The following ISG20 variants were observed in gnomAD, a reference collection of about 807,000 sequenced individuals.
The protein encoded by ISG20 is interferon stimulated exonuclease gene 20, also known as interferon-stimulated gene 20 kDa protein.
In ISG20, 8 loss-of-function variants were observed where a neutral mutation model predicts 11.1. The ratio of observed to expected loss-of-function variants is 0.72; its 90% CI spans 0.42 to 1.30. The LOEUF is 1.30. Ranked by LOEUF, ISG20 falls within the 50% of genes most tolerant of loss-of-function variation. The pLI, the probability that ISG20 is intolerant of heterozygous loss-of-function variation, is 0.01. For synonymous variants in ISG20, 110 were observed against 101.7 expected (o/e 1.08, Z -0.49); for missense variants, 243 against 250.2 (o/e 0.97, Z 0.19).
In ISG20 at chr15:88,652,332, T is replaced by TCCTCCTCCCC. The variant is rs1183232710; in HGVS notation, c.429+34_429+43dup. On this transcript the variant is annotated intron_variant, in intron 3 of 3. Transcript: ENST00000306072. Reference sequence around the variant, plus strand: ...CCAGGTGAGAACCTCCTCGTCCTTCTCCTCCTCCCCCCTCCTCCCCCTCCT... The same window carrying TCCTCCTCCCC: ...CCAGGTGAGAACCTCCTCGTCCTTCTCCTCCTCCCCCCTCCTCCCCCCTCCTCCCCCTCCT... 5 of 1,566,932 alleles carry TCCTCCTCCCC rather than the reference T, an allele frequency of 3.2e-6. No individual in the cohort carries two copies. The African/African-American group carries it at 5.8e-5, about 18-fold the overall frequency.
chr15:88,641,415 C>G (rs1048959517), intron 2 of ISG20, among the ~76,000 whole-genome samples: 1 of 152,158 alleles, frequency 6.6e-6, no homozygotes, highest in Non-Finnish European at 1.5e-5. Context: ...AATGTCCTGT[C>G]TCGGGGTTCT....
intron 2 of ISG20, among the ~76,000 whole-genome samples, chr15:88,644,543 A>AAAAG (rs2058137114): frequency 7.1e-6 from 1 of 141,658 alleles, no homozygotes; most frequent in Non-Finnish European, 1.6e-5. Context: ...AAAAAAAAAA[A>AAAAG]AAAAGAAAAG....
Position 88,655,485 on chromosome 15 carries a change from G to C in ISG20, c.500G>C (p.Arg167Thr), listed in dbSNP as rs1228642802. The change falls in exon 4 of 4, where the codon AGA becomes ACA. Residue 167 changes from arginine (R) to threonine (T), a missense_variant. Arg to Thr is a moderately conservative substitution (Grantham distance 71). Transcript: ENST00000306072. ...ATMELYQISQ[R>T]IRARRGLPRL... is the part of the protein sequence containing the mutation. ...ATGGAGCTCTATCAAATCTCCCAGAGAATCCGAGCCCGCCGAGGGCTGCCC... is the reference window on the plus strand; with the variant it reads ...ATGGAGCTCTATCAAATCTCCCAGACAATCCGAGCCCGCCGAGGGCTGCCC... 6.2e-7 allele frequency: 1 copy of C among 1,613,810 alleles called. No individual in the cohort carries two copies. Among genetic ancestry groups the C allele is most frequent in the Admixed American group, 1.7e-5 (1 of 60,028 alleles).
chr15:88,646,068 A>G (rs953701926), intron 2 of ISG20, among the ~76,000 whole-genome samples: 2 of 152,202 alleles, frequency 1.3e-5, no homozygotes, highest in Admixed American at 6.5e-5. Flanking sequence ...CATAGCCCTG[A>G]TGGGCAGGGA....
chr15:88,640,299 G>T (rs559140229), intron 2 of ISG20, among the ~76,000 whole-genome samples: 1 of 152,144 alleles, frequency 6.6e-6, no homozygotes, highest in Admixed American at 6.5e-5. Flanking sequence ...AAGAACACAG[G>T]TTCCTCAGCA....
At position 88,650,549 on chromosome 15, in the gene ISG20, T is replaced by G; in HGVS notation, c.229-1561T>G. 1.9e-6 allele frequency: 2 copies of G among 1,073,952 alleles called. No individual in the cohort carries two copies. The highest frequency in any genetic ancestry group is 1.3e-6 in the Non-Finnish European group (1 of 797,648). The allele number at this position is 1,073,952 out of a possible 1,614,324, so 66.5% of individuals were successfully genotyped here. On this transcript the variant is annotated intron_variant, in intron 2 of 3. Transcript: ENST00000306072. This position sits in a 1 kb window ranked among gnomAD's most constrained non-coding sequence, Gnocchi z 4.0. ...CACCAAAACTTACCGGTTCAAACAA[T>G]GTCAATACTTATTTCGCTCGGCCAC...
rs957035187 is a variant in ISG20 at position 88,655,688 on chromosome 15, G to A, written c.*157G>A. The A allele has an allele frequency of 5.3e-6, 3 of 568,270 alleles. No individual in the cohort carries two copies. Among genetic ancestry groups the A allele is most frequent in the East Asian group, 6.0e-5 (2 of 33,438 alleles). 35.2% of individuals were successfully genotyped at this position (568,270 alleles called of 1,614,324 possible). On this transcript the variant is annotated 3_prime_UTR_variant, in exon 4 of 4. Transcript: ENST00000306072. The stretch of plus-strand genomic sequence containing the variant: ...CTTCTTATTCTTCTCTCCAAGCTGG[G>A]TTAACAGTAGACAGGACCCATTTCT...
intron 2 of ISG20, chr15:88,651,201 A>C (rs1457245627): frequency 1.0e-6 from 1 of 985,320 alleles, no homozygotes; most frequent in Non-Finnish European, 1.2e-6. Flanking sequence ...TTGTTTTAAA[A>C]TCATCAGAGT....
intron 2 of ISG20, among the ~76,000 whole-genome samples, chr15:88,646,492 A>G (rs2058175557): frequency 6.6e-6 from 1 of 152,212 alleles, no homozygotes; most frequent in Non-Finnish European, 1.5e-5. Context: ...GAGGTCCTGC[A>G]TAGCACATGG....
intron 2 of ISG20, among the ~76,000 whole-genome samples, chr15:88,641,045 T>G (rs2058072909): frequency 1.3e-5 from 2 of 151,860 alleles, no homozygotes; most frequent in African/African-American, 4.8e-5. Context: ...CAGGCTGGAG[T>G]GCAGTGACAT....
chr15:88,652,080 G>T (rs1365305920), intron 2 of ISG20, 30 bp from the exon 3 acceptor site: 1 of 1,613,678 alleles, frequency 6.2e-7, no homozygotes, highest in Non-Finnish European at 8.5e-7. Context: ...GCTGGGTCAT[G>T]TAGGGGTGGG....
rs2141386500 is a variant in ISG20 at position 88,639,247 on chromosome 15, G to T, written c.-24-96G>T. On this transcript the variant is annotated intron_variant, in intron 1 of 3. Transcript: ENST00000306072. This position sits in a 1 kb window ranked among gnomAD's most constrained non-coding sequence, Gnocchi z 4.2. ...GGCCAGGTGGTGTCGGAAACAAAGG[G>T]CAGGGCGGAGGGTAAGGCCAGCTGG... is the stretch of plus-strand genomic sequence containing the variant. The T allele has an allele frequency of 1.4e-6, 1 of 712,524 alleles. No individual in the cohort carries two copies. Among genetic ancestry groups the T allele is most frequent in the East Asian group, 2.7e-5 (1 of 36,972 alleles). The allele number at this position is 712,524 out of a possible 1,614,324, so 44.1% of individuals were successfully genotyped here.
chr15:88,646,709 A>G (rs1442326552), intron 2 of ISG20, among the ~76,000 whole-genome samples: 2 of 152,180 alleles, frequency 1.3e-5, no homozygotes, highest in Non-Finnish European at 2.9e-5. Flanking sequence ...GAGATCCCAC[A>G]AGGCCAGGTG....
chr15:88,644,554 AC>A (rs67738947), intron 2 of ISG20, among the ~76,000 whole-genome samples: 38,092 of 140,534 alleles, frequency 0.27, 6,531 homozygotes, highest in East Asian at 0.58. Flanking sequence ...AAAAGAAAAG[AC>A]AAAAAAAAAA....
At position 88,655,796 on chromosome 15, in the gene ISG20, C is replaced by T. The variant is rs1470731710; in HGVS notation, c.*265C>T. Reference sequence around the variant, plus strand: ...CCTTAATATCTTGAATCCTGTGGGTCCAAAATGTGGCTTGGAAATCTAAGT... The same window carrying T: ...CCTTAATATCTTGAATCCTGTGGGTTCAAAATGTGGCTTGGAAATCTAAGT... On this transcript the variant is annotated 3_prime_UTR_variant, in exon 4 of 4. Transcript: ENST00000306072. 3.2e-6 allele frequency: 1 copy of T among 314,474 alleles called. No homozygotes were observed. The highest frequency in any genetic ancestry group is 2.2e-5 in the African/African-American group (1 of 45,294). The allele number at this position is 314,474 out of a possible 1,614,324, so 19.5% of individuals were successfully genotyped here. A position where few individuals can be genotyped will look rare whatever the true frequency, so the allele number is the denominator to read the frequency against.
At chr15:88,638,479 C>A (rs1235752835), upstream of ISG20, among the ~76,000 whole-genome samples, 1 of 152,182 alleles carries the variant, frequency 6.6e-6, no homozygotes, top group Non-Finnish European at 1.5e-5. Flanking sequence ...CTGGAACCCA[C>A]GGAGGCCTGT....
At chr15:88,651,169 G>C in intron 2 of ISG20, 1 of 978,416 alleles carries the variant, frequency 1.0e-6, no homozygotes, top group Non-Finnish European at 1.2e-6. Flanking sequence ...TTTTTAAGAA[G>C]AGTGTCAAGG....
chr15:88,652,267 C>G lies in ISG20; in HGVS notation c.386C>G (p.Ser129Cys). 1.2e-6 allele frequency: 2 copies of G among 1,613,712 alleles called. No individual in the cohort carries two copies. Among genetic ancestry groups the G allele is most frequent in the South Asian group, 1.1e-5 (1 of 91,070 alleles). ...EAKLDHCRRV[S>C]LRVLSERLLH... Reference sequence around the variant, plus strand: ...AAGCTGGACCACTGCAGGCGTGTCTCCCTGCGGGTGCTGAGTGAGCGCCTC... The same window carrying G: ...AAGCTGGACCACTGCAGGCGTGTCTGCCTGCGGGTGCTGAGTGAGCGCCTC... The change falls in exon 3 of 4, where the codon TCC (serine) becomes TGC (cysteine). Residue 129 changes from serine to cysteine, a missense_variant. Ser to Cys is a moderately radical substitution (Grantham distance 112, BLOSUM62 -1). Coordinates refer to ENST00000306072, the MANE Select transcript of ISG20 (RefSeq NM_002201.6).
chr15:88,652,857 C>T (rs976193096), intron 3 of ISG20, among the ~76,000 whole-genome samples: 2 of 151,412 alleles, frequency 1.3e-5, no homozygotes, highest in African/African-American at 4.9e-5. Flanking sequence ...TGATGTAAAG[C>T]ACACACCTCA....
Sources: allele counts gnomAD v4.1 joint callset (sites outside exome capture counted in the v4.1 genomes callset), GRCh38; gene constraint gnomAD v4.1.1; non-coding constraint Gnocchi (gnomAD v3.1); transcripts MANE v1.5; gene names NCBI Gene and HGNC (gene_info 2026-07-23, HGNC 2026-07-21).